DAB1: variants seen among roughly 807,000 people sequenced by gnomAD.
DAB1 encodes the protein DAB adaptor protein 1.
Under a neutral mutation model 64.6 loss-of-function variants are expected in DAB1, and 15 were observed. The ratio of observed to expected loss-of-function variants is 0.23; its 90% confidence interval spans 0.16 to 0.36. The LOEUF (loss-of-function observed/expected upper bound fraction) is 0.36, where lower values mean the gene tolerates loss of function less well. DAB1 is among the 10% of genes least tolerant of loss of function. DAB1 has a pLI of 1.00. For missense variants in DAB1, 596 were observed against 706.7 expected (o/e 0.84, Z 1.78); for synonymous variants, 235 against 251.9 (o/e 0.93, Z 0.64).
At chr1:57,512,423 A>C (rs745737640) in intron 7 of DAB1, among the ~76,000 whole-genome samples, 1 of 152,214 alleles carries the variant, frequency 6.6e-6, no homozygotes, top group Non-Finnish European at 1.5e-5. Flanking sequence ...AAAGAAAAGA[A>C]ATCTGGGTGG....
intron 6 of DAB1, among the ~76,000 whole-genome samples, chr1:57,710,577 AGT>A (rs1647016357): frequency 6.6e-6 from 1 of 151,974 alleles, no homozygotes; most frequent in Non-Finnish European, 1.5e-5. Flanking sequence ...TATGTCCCCA[AGT>A]TGTTGCGACT....
At chr1:57,655,746 G>T (rs1210094403) in intron 6 of DAB1, among the ~76,000 whole-genome samples, 1 of 152,104 alleles carries the variant, frequency 6.6e-6, no homozygotes, top group Non-Finnish European at 1.5e-5. Flanking sequence ...AAATATAGTG[G>T]AACAAAAAGT....
chr1:57,398,055 A>G (rs1682950948), intron 1 of DAB1, among the ~76,000 whole-genome samples: 1 of 152,262 alleles, frequency 6.6e-6, no homozygotes, highest in Admixed American at 6.5e-5. Context: ...GTTAACAACA[A>G]AAATGACTTC....
At chr1:57,912,781 T>C (rs377668739) in intron 5 of DAB1, among the ~76,000 whole-genome samples, 21 of 152,178 alleles carry the variant, frequency 1.4e-4, no homozygotes, top group Middle Eastern at 3.4e-3. Context: ...AAATCACAAG[T>C]ATTCTTATAC....
At chr1:57,435,032 T>G (rs1685638879) in intron 7 of DAB1, among the ~76,000 whole-genome samples, 1 of 142,622 alleles carries the variant, frequency 7.0e-6, no homozygotes, top group Admixed American at 7.1e-5. Context: ...ACTCTCTTTT[T>G]CTTTTCTTTT....
chr1:57,353,322 C>G (rs1481138257), intron 1 of DAB1, among the ~76,000 whole-genome samples: 1 of 152,114 alleles, frequency 6.6e-6, no homozygotes, highest in East Asian at 1.9e-4. Context: ...TTGAGATACT[C>G]TCTCTGTCCT....
intron 1 of DAB1, among the ~76,000 whole-genome samples, chr1:57,312,547 T>C (rs1003897646): frequency 6.6e-6 from 1 of 152,104 alleles, no homozygotes; most frequent in Non-Finnish European, 1.5e-5. Flanking sequence ...CAGGCAAAGG[T>C]AGTAAGTGTC....
At chr1:57,027,069 G>A (rs1263407776) in intron 9 of DAB1, among the ~76,000 whole-genome samples, 1 of 152,122 alleles carries the variant, frequency 6.6e-6, no homozygotes, top group Non-Finnish European at 1.5e-5. Context: ...CGACTGCCCT[G>A]CCACACAGGA....
intron 1 of DAB1, among the ~76,000 whole-genome samples, chr1:57,365,689 A>T (rs1272212593): frequency 6.6e-6 from 1 of 152,116 alleles, no homozygotes; most frequent in Non-Finnish European, 1.5e-5. Context: ...TCCGTGTACT[A>T]TCCACTCTAC....
At chr1:58,165,181 T>A (rs1655761148) in intron 4 of DAB1, among the ~76,000 whole-genome samples, 1 of 152,166 alleles carries the variant, frequency 6.6e-6, no homozygotes, top group Non-Finnish European at 1.5e-5. Flanking sequence ...TGTTGCTTTT[T>A]CTTGAAGTAA....
intron 2 of DAB1, among the ~76,000 whole-genome samples, chr1:58,521,729 A>T (rs575922173): frequency 6.6e-6 from 1 of 152,304 alleles, no homozygotes; most frequent in Non-Finnish European, 1.5e-5. Flanking sequence ...GAAAAATCTG[A>T]ATAGTTCTAT....
intron 1 of DAB1, among the ~76,000 whole-genome samples, chr1:57,829,962 T>C (rs1652516181): frequency 6.6e-6 from 1 of 152,214 alleles, no homozygotes; most frequent in Non-Finnish European, 1.5e-5. Flanking sequence ...GTTGGAAGAC[T>C]AGCGTACAGA....
chr1:57,527,473 A>G (rs994057236), intron 7 of DAB1, among the ~76,000 whole-genome samples: 8 of 152,168 alleles, frequency 5.3e-5, no homozygotes, highest in Non-Finnish European at 2.9e-5. Context: ...AGATAAGCCA[A>G]ATCACTTCCT....
intron 1 of DAB1, among the ~76,000 whole-genome samples, chr1:57,313,840 T>C (rs749514708): frequency 1.3e-5 from 2 of 152,144 alleles, no homozygotes; most frequent in Admixed American, 6.5e-5. Context: ...TGGAAGGTGA[T>C]AGGATTCATG....
At chr1:58,021,698 C>T (rs996323114) in intron 5 of DAB1, among the ~76,000 whole-genome samples, 1 of 152,094 alleles carries the variant, frequency 6.6e-6, no homozygotes, top group Non-Finnish European at 1.5e-5. Flanking sequence ...ATTGTCAGAG[C>T]AGAACTGGCC....
intron 4 of DAB1, among the ~76,000 whole-genome samples, chr1:58,300,424 G>A (rs1014154106): frequency 6.6e-6 from 1 of 151,412 alleles, no homozygotes; most frequent in Non-Finnish European, 1.5e-5. Flanking sequence ...GCGGGTGCCT[G>A]TAATCCCAGC....
intron 6 of DAB1, among the ~76,000 whole-genome samples, chr1:57,694,029 G>A (rs1453977146): frequency 6.6e-6 from 1 of 152,034 alleles, no homozygotes; most frequent in Non-Finnish European, 1.5e-5. Flanking sequence ...AAAAATTTTT[G>A]CCCAGATCAA....
At chr1:58,366,718 G>A (rs146691056) in intron 3 of DAB1, among the ~76,000 whole-genome samples, 218 of 152,320 alleles carry the variant, frequency 1.4e-3, no homozygotes, top group African/African-American at 4.7e-3. Flanking sequence ...AAATACAAAA[G>A]TATAAACAGT....
intron 7 of DAB1, among the ~76,000 whole-genome samples, chr1:57,463,535 T>C (rs1013842293): frequency 7.2e-5 from 11 of 152,000 alleles, no homozygotes; most frequent in African/African-American, 2.2e-4. Context: ...CTAGGATGAG[T>C]GTGCTTTTTA....
Sources: gnomAD v4.1 joint callset for allele counts (sites outside exome capture counted in the v4.1 genomes callset) on GRCh38, gnomAD v4.1.1 for gene constraint, MANE v1.5 for transcripts, NCBI Gene and HGNC (gene_info 2026-07-23, HGNC 2026-07-21) for gene names.